PTPRM: variants seen among roughly 807,000 people sequenced by gnomAD.
The protein encoded by PTPRM is protein tyrosine phosphatase receptor type M.
In PTPRM, 47 loss-of-function variants were observed where a neutral mutation model predicts 186.7. The observed-to-expected ratio is 0.25, with a 90% CI of 0.20 to 0.32. The LOEUF (loss-of-function observed/expected upper bound fraction) is 0.32. PTPRM is among the 10% of genes least tolerant of loss of function. The pLI, the probability that PTPRM is intolerant of heterozygous loss-of-function variation, is 1.00. For missense variants in PTPRM, 1,494 were observed against 1,865.0 expected, an observed-to-expected ratio of 0.80 and a Z score of 3.66; for synonymous variants, 668 against 674.9, an observed-to-expected ratio of 0.99 and a Z score of 0.16.
At chr18:8,002,642 A>G (rs969524860) in intron 7 of PTPRM, among the ~76,000 whole-genome samples, 3 of 152,200 alleles carry the variant, frequency 2.0e-5, no homozygotes, top group Admixed American at 6.5e-5. Flanking sequence ...GAGAATGCAG[A>G]CGCCCAGGCT....
intron 21 of PTPRM, among the ~76,000 whole-genome samples, chr18:8,317,353 G>T (rs1228268024): frequency 6.6e-6 from 1 of 152,042 alleles, no homozygotes; most frequent in Non-Finnish European, 1.5e-5. Context: ...TTCAGGTAGG[G>T]GTTAGGGAGG....
chr18:7,761,542 A>C (rs1262013002), intron 1 of PTPRM, among the ~76,000 whole-genome samples: 1 of 152,286 alleles, frequency 6.6e-6, no homozygotes, highest in East Asian at 1.9e-4. Context: ...ATATCTTAGT[A>C]GATTCTTACA....
At chr18:8,132,942 C>T (rs1211083967) in intron 13 of PTPRM, among the ~76,000 whole-genome samples, 1 of 152,134 alleles carries the variant, frequency 6.6e-6, no homozygotes, top group African/African-American at 2.4e-5. Flanking sequence ...CAGAATACCA[C>T]AAATCAGGTC....
chr18:7,959,252 C>CTCAT (rs1365221594), intron 7 of PTPRM, among the ~76,000 whole-genome samples: 1 of 152,160 alleles, frequency 6.6e-6, no homozygotes, highest in Non-Finnish European at 1.5e-5. Flanking sequence ...CACTGGCTAC[C>CTCAT]TCATTACCCA....
intron 19 of PTPRM, among the ~76,000 whole-genome samples, chr18:8,289,535 CACATAT>C (rs1222698002): frequency 1.5e-5 from 1 of 65,008 alleles, no homozygotes; most frequent in African/African-American, 1.0e-4. Flanking sequence ...CATATATATA[CACATAT>C]ATATATATAC....
intron 13 of PTPRM, among the ~76,000 whole-genome samples, chr18:8,127,231 A>G (rs1157076809): frequency 6.6e-6 from 1 of 152,166 alleles, no homozygotes. Context: ...AGTACTGGTC[A>G]TGGGGAATGG....
intron 2 of PTPRM, among the ~76,000 whole-genome samples, chr18:7,789,582 A>T (rs972625583): frequency 2.0e-5 from 3 of 152,162 alleles, no homozygotes; most frequent in Admixed American, 2.0e-4. Flanking sequence ...TCACTTAAGA[A>T]AGGGCTTGTT....
At chr18:7,960,478 T>C (rs200313408) in intron 7 of PTPRM, among the ~76,000 whole-genome samples, 17,661 of 93,110 alleles carry the variant, frequency 0.19, 1,504 homozygotes, top group African/African-American at 0.33. Context: ...TATATATATA[T>C]ATACACACAC....
chr18:7,960,176 C>CA (rs1222396721), intron 7 of PTPRM, among the ~76,000 whole-genome samples: 1 of 152,012 alleles, frequency 6.6e-6, no homozygotes, highest in Non-Finnish European at 1.5e-5. Flanking sequence ...TAACTGGCCC[C>CA]AGGAGCTAAC....
chr18:7,570,523 T>G (rs2036541775), intron 1 of PTPRM, among the ~76,000 whole-genome samples: 1 of 152,230 alleles, frequency 6.6e-6, no homozygotes, highest in Non-Finnish European at 1.5e-5. Flanking sequence ...AATGAGAATC[T>G]TGATCATTTG....
chr18:8,377,482 T>C (rs1209964613), intron 26 of PTPRM: 1 of 152,228 alleles, frequency 6.6e-6, no homozygotes, highest in Non-Finnish European at 1.5e-5. Flanking sequence ...GCCACTCGCA[T>C]TTCTCACTTG....
chr18:8,279,014 A>T (rs1438841346), intron 19 of PTPRM, among the ~76,000 whole-genome samples: 1 of 152,170 alleles, frequency 6.6e-6, no homozygotes, highest in Non-Finnish European at 1.5e-5. Context: ...CCAACATGGC[A>T]CATGTATACA....
intron 7 of PTPRM, among the ~76,000 whole-genome samples, chr18:7,986,726 G>A (rs1599881786): frequency 1.3e-5 from 2 of 152,190 alleles, no homozygotes; most frequent in African/African-American, 2.4e-5. Flanking sequence ...TTATAATGGA[G>A]GTCTGAGTTG....
intron 2 of PTPRM, among the ~76,000 whole-genome samples, chr18:7,833,278 C>A (rs2145743565): frequency 6.6e-6 from 1 of 152,094 alleles, no homozygotes; most frequent in South Asian, 2.1e-4. Flanking sequence ...TTTTGGTGTC[C>A]TCTTCAATTT....
At chr18:8,237,041 A>G (rs998782544) in intron 14 of PTPRM, among the ~76,000 whole-genome samples, 6 of 151,656 alleles carry the variant, frequency 4.0e-5, no homozygotes, top group Non-Finnish European at 8.8e-5. Flanking sequence ...TACTTTTTTC[A>G]GTGGTTGCCC....
At chr18:8,400,666 G>A (rs867549404) in intron 32 of PTPRM, among the ~76,000 whole-genome samples, 4 of 152,042 alleles carry the variant, frequency 2.6e-5, no homozygotes, top group South Asian at 2.1e-4. Context: ...CGGATCTGCC[G>A]CACAGGTTCA....
At chr18:8,084,741 T>G (rs1249853306) in intron 9 of PTPRM, among the ~76,000 whole-genome samples, 1 of 152,202 alleles carries the variant, frequency 6.6e-6, no homozygotes, top group Non-Finnish European at 1.5e-5. Context: ...TTTAAAATTA[T>G]GTCATTACAA....
chr18:8,169,299 G>T (rs1407326713), intron 14 of PTPRM, among the ~76,000 whole-genome samples: 1 of 151,054 alleles, frequency 6.6e-6, no homozygotes, highest in Non-Finnish European at 1.5e-5. Context: ...TTAACAAATG[G>T]CTGCCCAAAA....
At chr18:7,672,513 GATGCT>G (rs1482160055) in intron 1 of PTPRM, among the ~76,000 whole-genome samples, 5 of 152,152 alleles carry the variant, frequency 3.3e-5, no homozygotes, top group Admixed American at 2.6e-4. Context: ...CAAAGAAGAA[GATGCT>G]ATGCTCTGTT....
Sources: allele counts gnomAD v4.1 joint callset (sites outside exome capture counted in the v4.1 genomes callset), GRCh38; gene constraint gnomAD v4.1.1; transcripts MANE v1.5; gene names NCBI Gene and HGNC (gene_info 2026-07-23, HGNC 2026-07-21).